KCTD16: variants seen among roughly 807,000 people sequenced by gnomAD.
KCTD16 encodes potassium channel tetramerization domain containing 16.
In KCTD16, 13 loss-of-function variants were observed where a neutral mutation model predicts 33.2. The observed-to-expected ratio is 0.39, with a 90% CI of 0.25 to 0.62. The LOEUF is 0.62. KCTD16 is among the 20% of genes least tolerant of loss of function. KCTD16 has a pLI of 0.50. For missense variants in KCTD16, 441 were observed against 525.1 expected (o/e 0.84, Z 1.57); for synonymous variants, 197 against 195.3 (o/e 1.01, Z -0.07).
chr5:144,237,655 A>T (rs1484485089), intron 3 of KCTD16, among the ~76,000 whole-genome samples: 2 of 152,268 alleles, frequency 1.3e-5, no homozygotes, highest in Non-Finnish European at 2.9e-5. Context: ...GGAAAAACAA[A>T]AAACAAAAAC....
At chr5:144,234,409 C>T (rs77245580) in intron 3 of KCTD16, among the ~76,000 whole-genome samples, 11 of 152,084 alleles carry the variant, frequency 7.2e-5, no homozygotes, top group Non-Finnish European at 1.6e-4. Flanking sequence ...ATGTCTGTCA[C>T]CTATACCCTT....
chr5:144,421,523 C>A (rs769316886), intron 3 of KCTD16, among the ~76,000 whole-genome samples: 3 of 152,088 alleles, frequency 2.0e-5, no homozygotes, highest in Non-Finnish European at 2.9e-5. Context: ...AGTACTCCAT[C>A]TGGTTCCTTG....
intron 3 of KCTD16, among the ~76,000 whole-genome samples, chr5:144,378,381 T>C (rs968918876): frequency 7.9e-5 from 12 of 152,228 alleles, no homozygotes; most frequent in Non-Finnish European, 1.5e-4. Flanking sequence ...AGGTCATTGA[T>C]AAGTAGTTTA....
chr5:144,200,968 A>G (rs28645187), intron 2 of KCTD16, among the ~76,000 whole-genome samples: 7,702 of 152,194 alleles, frequency 0.051, 562 homozygotes, highest in African/African-American at 0.16. Flanking sequence ...GTGGTCTCAA[A>G]CTCTTGGCCT....
intron 3 of KCTD16, among the ~76,000 whole-genome samples, chr5:144,422,293 T>C (rs1753229320): frequency 6.6e-6 from 1 of 152,198 alleles, no homozygotes; most frequent in Non-Finnish European, 1.5e-5. Flanking sequence ...TAAATGTTTC[T>C]GTTTGATTGT....
At chr5:144,448,575 G>GA (rs1291867874) in intron 3 of KCTD16, among the ~76,000 whole-genome samples, 1 of 152,010 alleles carries the variant, frequency 6.6e-6, no homozygotes, top group East Asian at 1.9e-4. Context: ...AATATGCTTG[G>GA]CTTGGTTCTG....
At chr5:144,352,910 A>G (rs1453184000) in intron 3 of KCTD16, among the ~76,000 whole-genome samples, 6 of 152,330 alleles carry the variant, frequency 3.9e-5, no homozygotes, top group Non-Finnish European at 8.8e-5. Flanking sequence ...TCTGAAGCCA[A>G]CAAGCCGTCT....
chr5:144,437,962 G>A (rs957658316), intron 3 of KCTD16, among the ~76,000 whole-genome samples: 3 of 152,084 alleles, frequency 2.0e-5, no homozygotes, highest in Non-Finnish European at 4.4e-5. Flanking sequence ...GATGTTTTAA[G>A]TTTAAACTGT....
Position 144,482,415 on chromosome 5 carries a change from G to C in KCTD16, c.*8301G>C, listed in dbSNP as rs1754721685. Reference sequence around the variant, plus strand: ...TCTGGAGAAAATGACACCTGCAATTGCTTGCTGTGCTGCACACAGGTCACT... The same window carrying C: ...TCTGGAGAAAATGACACCTGCAATTCCTTGCTGTGCTGCACACAGGTCACT... On this transcript the variant is annotated 3_prime_UTR_variant, in exon 4 of 4. Transcript: ENST00000512467. 6.6e-6 allele frequency: 1 copy of C among 151,946 alleles called. No individual in the cohort carries two copies. The allele number at this position is 151,946 out of a possible 1,614,324, so 9.4% of individuals were successfully genotyped here.
At chr5:144,243,446 C>G (rs1469883238) in intron 3 of KCTD16, among the ~76,000 whole-genome samples, 1 of 152,130 alleles carries the variant, frequency 6.6e-6, no homozygotes. Flanking sequence ...TACTCTATGC[C>G]TGATGACCTT....
chr5:144,312,499 T>A (rs1048106020), intron 3 of KCTD16, among the ~76,000 whole-genome samples: 2 of 152,204 alleles, frequency 1.3e-5, no homozygotes, highest in Non-Finnish European at 2.9e-5. Context: ...CTATTTTAAA[T>A]TAACTTAAAA....
At chr5:144,298,084 C>T (rs1286409730) in intron 3 of KCTD16, among the ~76,000 whole-genome samples, 1 of 152,212 alleles carries the variant, frequency 6.6e-6, no homozygotes, top group Non-Finnish European at 1.5e-5. Flanking sequence ...TCCTGCATGG[C>T]TAAGTGCCCG....
intron 3 of KCTD16, among the ~76,000 whole-genome samples, chr5:144,445,872 A>C (rs983909899): frequency 2.6e-5 from 4 of 151,986 alleles, no homozygotes; most frequent in African/African-American, 9.7e-5. Flanking sequence ...TATGGGGGCT[A>C]AACTGCTTCA....
At chr5:144,190,517 A>T (rs572269091) in intron 2 of KCTD16, among the ~76,000 whole-genome samples, 4 of 152,234 alleles carry the variant, frequency 2.6e-5, no homozygotes, top group African/African-American at 9.6e-5. Context: ...GTAGTGATTC[A>T]GTAATTGGTA....
At chr5:144,220,581 T>C (rs1304812600) in intron 3 of KCTD16, among the ~76,000 whole-genome samples, 1 of 152,112 alleles carries the variant, frequency 6.6e-6, no homozygotes, top group East Asian at 1.9e-4. Context: ...TGTGTGTGTG[T>C]GTTTATACAT....
intron 3 of KCTD16, among the ~76,000 whole-genome samples, chr5:144,368,373 A>G (rs1751886606): frequency 6.6e-6 from 1 of 152,136 alleles, no homozygotes; most frequent in African/African-American, 2.4e-5. Flanking sequence ...AAAAATATGA[A>G]GGGTGAGAAG....
intron 2 of KCTD16, among the ~76,000 whole-genome samples, chr5:144,193,960 G>A (rs141497912): frequency 1.9e-3 from 284 of 152,272 alleles, no homozygotes; most frequent in African/African-American, 6.5e-3. Context: ...AAATGAAAAA[G>A]ATGAGAGTGG....
At chr5:144,464,928 T>C (rs551502805) in intron 3 of KCTD16, among the ~76,000 whole-genome samples, 44 of 152,314 alleles carry the variant, frequency 2.9e-4, no homozygotes, top group African/African-American at 1.0e-3. Context: ...AATATATGCA[T>C]TTTAAAAAGA....
intron 3 of KCTD16, among the ~76,000 whole-genome samples, chr5:144,266,198 C>G (rs1755137648): frequency 6.6e-6 from 1 of 152,124 alleles, no homozygotes; most frequent in Non-Finnish European, 1.5e-5. Context: ...TGCATGCATG[C>G]ATATATGTAT....
Sources: gnomAD v4.1 joint callset for allele counts (sites outside exome capture counted in the v4.1 genomes callset) on GRCh38, gnomAD v4.1.1 for gene constraint, MANE v1.5 for transcripts, NCBI Gene and HGNC (gene_info 2026-07-23, HGNC 2026-07-21) for gene names.